The following GDNF variants were observed in gnomAD, a reference collection of about 807,000 sequenced individuals.
The protein encoded by GDNF is glial cell derived neurotrophic factor, also known as glial cell line-derived neurotrophic factor.
A neutral mutation model predicts 13.7 loss-of-function variants in GDNF; 5 were observed. That is an observed-to-expected ratio of 0.36 (90% CI 0.19 to 0.77). The LOEUF is 0.77. Ranked by LOEUF, GDNF falls within the 30% of genes least tolerant of loss-of-function variation. GDNF has a pLI of 0.51. For missense variants in GDNF, 246 were observed against 274.3 expected (o/e 0.90, Z 0.73); for synonymous variants, 122 against 112.5 (o/e 1.08, Z -0.53).
intron 2 of GDNF, among the ~76,000 whole-genome samples, chr5:37,834,376 A>G (rs1750622999): frequency 6.6e-6 from 1 of 152,180 alleles, no homozygotes. Context: ...GGTGGGGAGG[A>G]TATTTGTTCA....
chr5:37,815,968 C>G lies in GDNF; in HGVS notation c.319G>C (p.Gly107Arg), dbSNP rs377167860. The G allele has an allele frequency of 1.5e-5, 25 of 1,614,070 alleles. No individual in the cohort carries two copies. The African/African-American group carries it at 3.2e-4, about 21-fold the overall frequency. ...AANPENSRGK[G>R]RRGQRGKNRG... ...TTTTTGCCCCTCTGGCCTCTCCGAC[C>G]TTTTCCTCTGGAATTCTCTGGGTTG... The change falls in exon 3 of 3, where the codon GGT becomes CGT. Residue 107 changes from glycine (G) to arginine (R), a missense_variant. Coordinates refer to ENST00000326524, the MANE Select transcript of GDNF (RefSeq NM_000514.4). This position sits in a 1 kb window ranked among gnomAD's most constrained non-coding sequence, Gnocchi z 5.0.
rs1750823898 is a variant in GDNF, at chr5:37,839,597, AG to A, written c.-118del. ...GAGACCCATCCGGGCTGATGGCTGG[AG>A]CGCGGAGCCCCGCCCAACAGGTCAG... On this transcript the variant is annotated 5_prime_UTR_variant, in exon 1 of 3. Coordinates refer to ENST00000326524, the MANE Select transcript of GDNF (RefSeq NM_000514.4). This position sits in a 1 kb window ranked among gnomAD's most constrained non-coding sequence, Gnocchi z 5.5. 1 of 152,298 alleles carries A rather than the reference AG, an allele frequency of 6.6e-6. No homozygotes were observed. The highest frequency in any genetic ancestry group is 1.5e-5 in the Non-Finnish European group (1 of 68,126). 9.4% of individuals were successfully genotyped at this position (152,298 alleles called of 1,614,324 possible).
chr5:37,816,518 T>A (rs1749935274), intron 2 of GDNF, among the ~76,000 whole-genome samples: 1 of 152,228 alleles, frequency 6.6e-6, no homozygotes, highest in South Asian at 2.1e-4. Flanking sequence ...CAAATGTGAA[T>A]ATGCAGGAAA....
chr5:37,830,117 C>T (rs777206638), intron 2 of GDNF, among the ~76,000 whole-genome samples: 1 of 152,214 alleles, frequency 6.6e-6, no homozygotes, highest in Non-Finnish European at 1.5e-5. Flanking sequence ...GCACTAGAAG[C>T]TTCCTTAGCT....
chr5:37,818,547 A>G (rs552819968), intron 2 of GDNF, among the ~76,000 whole-genome samples: 1 of 152,154 alleles, frequency 6.6e-6, no homozygotes, highest in Non-Finnish European at 1.5e-5. Flanking sequence ...GTATTTCTTC[A>G]TAGCAGTAAG....
At chr5:37,833,432 T>C (rs1750590551) in intron 2 of GDNF, among the ~76,000 whole-genome samples, 1 of 152,362 alleles carries the variant, frequency 6.6e-6, no homozygotes, top group Non-Finnish European at 1.5e-5. Flanking sequence ...TAACTTCCTT[T>C]TGAAGTCTTA....
chr5:37,819,492 G>A (rs372834938), intron 2 of GDNF, among the ~76,000 whole-genome samples: 9 of 136,978 alleles, frequency 6.6e-5, no homozygotes, highest in Admixed American at 8.2e-5. Context: ...CACTCTTGTC[G>A]CCCAGGCTGG....
At chr5:37,819,455 T>TTG (rs1554020530) in intron 2 of GDNF, among the ~76,000 whole-genome samples, 87 of 149,100 alleles carry the variant, frequency 5.8e-4, no homozygotes, top group African/African-American at 1.9e-3. Context: ...TTTTTTTTTT[T>TTG]TTTTTTTTGT....
At position 37,826,688 on chromosome 5, in the gene GDNF, A is replaced by C. The variant is rs76902929; in HGVS notation, c.151+7958T>G. Among the ~76,000 whole-genome samples, 893 of 152,358 alleles carry C rather than the reference A, an allele frequency of 5.9e-3. 11 individuals carry two copies. Among genetic ancestry groups the C allele is most frequent in the African/African-American group, 0.02 (845 of 41,586 alleles). On this transcript the variant is annotated intron_variant, in intron 2 of 2. Transcript: ENST00000326524. ...CTGGGGGCACAGGAAGACTTTCTGC[A>C]GTGCCTATGGGTGGTTGAAAGGGAA...
In GDNF at chr5:37,819,449, T is replaced by C. The variant is rs569195946; in HGVS notation, c.152-3314A>G. Among the ~76,000 whole-genome samples, 331 of 148,378 alleles carry C rather than the reference T, an allele frequency of 2.2e-3. 1 individual carries two copies. The highest frequency in any genetic ancestry group is 3.6e-3 in the Non-Finnish European group (241 of 67,048). The stretch of plus-strand genomic sequence containing the variant: ...GCCCAGGGAAGTGCTCTTTTCTTTT[T>C]TTTTTTTTTTTTTTGTTTTTGAGAC... On this transcript the variant is annotated intron_variant, in intron 2 of 2. Transcript: ENST00000326524.
intron 2 of GDNF, chr5:37,824,047 G>A (rs987443134): frequency 1.4e-5 from 14 of 983,422 alleles, no homozygotes; most frequent in African/African-American, 3.5e-5. Context: ...TGAAATGACC[G>A]TCATCAATCT....
Position 37,834,930 on chromosome 5 carries a change from G to A in GDNF, c.-26-108C>T, listed in dbSNP as rs982522670. The A allele has an allele frequency of 2.6e-5, 26 of 1,000,146 alleles. No homozygotes were observed. The East Asian group carries it at 5.5e-4, about 21-fold the overall frequency. The allele number at this position is 1,000,146 out of a possible 1,614,324, so 62.0% of individuals were successfully genotyped here. A position where few individuals can be genotyped will look rare whatever the true frequency, so the allele number is the denominator to read the frequency against. The stretch of plus-strand genomic sequence containing the variant: ...TCCAACCTCGTCACCGCCCTCCTCC[G>A]GCACCGCTGCAGGCCAGCGGCTCCT... On this transcript the variant is annotated intron_variant, in intron 1 of 2. Transcript: ENST00000326524.
In GDNF at chr5:37,817,682, C is replaced by T. The variant is rs796912088; in HGVS notation, c.152-1547G>A. On this transcript the variant is annotated intron_variant, in intron 2 of 2. Transcript: ENST00000326524. ...AATGAAAAGACTGGTGATTGGAATC[C>T]GTAGAATGCCTAGTTGCTATCTGAA... Among the ~76,000 whole-genome samples the T allele has an allele frequency of 5.9e-5, 9 of 151,550 alleles. No individual in the cohort carries two copies. The East Asian group carries it at 7.8e-4, about 13-fold the overall frequency.
At chr5:37,835,771 T>A in intron 1 of GDNF, 1 of 897,054 alleles carries the variant, frequency 1.1e-6, no homozygotes, top group Non-Finnish European at 1.8e-6. Context: ...GAGGAGTCAC[T>A]GGCTCCCCGC....
chr5:37,812,706 A>T lies in GDNF; in HGVS notation c.*2945T>A, dbSNP rs1749766664. Reference sequence around the variant, plus strand: ...TAGAAATGAGTTTTTATTTGTAAAAAGTTACAAAATGATATTGTACAAAAA... The same window carrying T: ...TAGAAATGAGTTTTTATTTGTAAAATGTTACAAAATGATATTGTACAAAAA... On this transcript the variant is annotated 3_prime_UTR_variant, in exon 3 of 3. Coordinates refer to ENST00000326524, the MANE Select transcript of GDNF (RefSeq NM_000514.4). 6.6e-6 allele frequency: 1 copy of T among 152,232 alleles called. No individual in the cohort carries two copies. The highest frequency in any genetic ancestry group is 2.4e-5 in the African/African-American group (1 of 41,454). 9.4% of individuals were successfully genotyped at this position (152,232 alleles called of 1,614,324 possible).
intron 2 of GDNF, among the ~76,000 whole-genome samples, chr5:37,827,218 A>C (rs1181472801): frequency 1.3e-5 from 2 of 152,186 alleles, no homozygotes; most frequent in Non-Finnish European, 2.9e-5. Context: ...TAAAAAAAAA[A>C]AAACAAAACA....
At chr5:37,821,853 T>C (rs1750152613) in intron 2 of GDNF, among the ~76,000 whole-genome samples, 1 of 152,206 alleles carries the variant, frequency 6.6e-6, no homozygotes, top group African/African-American at 2.4e-5. Context: ...CTGTAATAGC[T>C]GAACTCAAAA....
At chr5:37,823,702 C>T (rs1750217384) in intron 2 of GDNF, among the ~76,000 whole-genome samples, 1 of 152,168 alleles carries the variant, frequency 6.6e-6, no homozygotes, top group Admixed American at 6.5e-5. Context: ...ACAAGAGAGG[C>T]CCGGATTCCA....
In GDNF at chr5:37,837,364, G is replaced by A. The variant is rs974636814; in HGVS notation, c.-27+2143C>T. Among the ~76,000 whole-genome samples, 4 of 152,158 alleles carry A rather than the reference G, an allele frequency of 2.6e-5. No individual in the cohort carries two copies. Among genetic ancestry groups the A allele is most frequent in the African/African-American group, 9.6e-5 (4 of 41,452 alleles). ...GGGCTCTGCTCTGCCAGGTGACCGC[G>A]CACCATTTCTCGTGCCTGGCAAGCT... On this transcript the variant is annotated intron_variant, in intron 1 of 2. Transcript: ENST00000326524. This position sits in a 1 kb window ranked among gnomAD's most constrained non-coding sequence, Gnocchi z 6.5.
Sources: allele counts gnomAD v4.1 joint callset (sites outside exome capture counted in the v4.1 genomes callset), GRCh38; gene constraint gnomAD v4.1.1; non-coding constraint Gnocchi (gnomAD v3.1); transcripts MANE v1.5; gene names NCBI Gene and HGNC (gene_info 2026-07-23, HGNC 2026-07-21).